The following WDFY4 variants were observed in gnomAD, a reference collection of about 807,000 sequenced individuals.
WDFY4 encodes the protein WD repeat- and FYVE domain-containing protein 4.
A neutral mutation model predicts 351.9 loss-of-function variants in WDFY4; 169 were observed. That is an observed-to-expected ratio of 0.48 (90% CI 0.42 to 0.55). The LOEUF (loss-of-function observed/expected upper bound fraction) is 0.55. Among genes scored for constraint, WDFY4 ranks in the 20% least tolerant of loss-of-function variants. The pLI is 0.00. For missense variants in WDFY4, 3,803 were observed against 3,935.6 expected (o/e 0.97, Z 0.90); for synonymous variants, 1,622 against 1,574.6 (o/e 1.03, Z -0.71).
intron 55 of WDFY4, 27 bp from the exon 56 acceptor site, chr10:48,969,037 A>T (rs1200270389): frequency 1.3e-6 from 2 of 1,546,818 alleles, no homozygotes. Context: ...TTCCATGCAT[A>T]AGTTCGCCAT....
chr10:48,956,767 T>C (rs967640750), intron 51 of WDFY4, among the ~76,000 whole-genome samples: 3 of 152,214 alleles, frequency 2.0e-5, no homozygotes, highest in Non-Finnish European at 4.4e-5. Context: ...ACTAGCACTC[T>C]TGCTGCCTCT....
At chr10:48,725,774 CACAGAG>C in intron 5 of WDFY4, 101 bp from the exon 6 acceptor site, 2 of 1,188,554 alleles carry the variant, frequency 1.7e-6, no homozygotes, top group Non-Finnish European at 1.2e-6. Context: ...CTGTCCTTCT[CACAGAG>C]ACATGCTCAT....
chr10:48,863,665 G>C (rs1371088943), intron 39 of WDFY4, among the ~76,000 whole-genome samples: 2 of 151,400 alleles, frequency 1.3e-5, no homozygotes, highest in African/African-American at 2.4e-5. Context: ...CTTTCTAATA[G>C]TGTCTTTCGA....
intron 35 of WDFY4, among the ~76,000 whole-genome samples, chr10:48,825,086 C>T (rs926487063): frequency 1.3e-5 from 2 of 152,138 alleles, no homozygotes; most frequent in Non-Finnish European, 2.9e-5. Flanking sequence ...ATGAATTAGC[C>T]ATTTTTCCTA....
At chr10:48,794,817 GGT>G (rs1420195559) in intron 23 of WDFY4, among the ~76,000 whole-genome samples, 1 of 152,164 alleles carries the variant, frequency 6.6e-6, no homozygotes, top group Non-Finnish European at 1.5e-5. Context: ...GGAAGTCCCT[GGT>G]GGCCTTTCTG....
chr10:48,733,902 A>T (rs963428793), intron 9 of WDFY4, 29 bp from the exon 10 acceptor site: 7 of 1,547,578 alleles, frequency 4.5e-6, no homozygotes, highest in East Asian at 4.9e-5. Context: ...TACTTAATTT[A>T]TTTTGTTATT....
At chr10:48,711,727 T>C (rs183332621) in intron 2 of WDFY4, among the ~76,000 whole-genome samples, 1 of 152,294 alleles carries the variant, frequency 6.6e-6, no homozygotes, top group East Asian at 1.9e-4. Context: ...ACCACCCTCA[T>C]GGTGAGTGTG....
chr10:48,873,709 G>T lies in WDFY4; in HGVS notation c.6948+12G>T. ...CAGGAAGGCACAAGGTAGGAGTCAG[G>T]CGCAGTGGGACAGTGCTGGTTCCAG... On this transcript the variant is annotated intron_variant, in intron 41 of 61. Coordinates refer to ENST00000325239, the MANE Select transcript of WDFY4 (RefSeq NM_001394531.1). 6.4e-7 allele frequency: 1 copy of T among 1,551,356 alleles called. No homozygotes were observed. The highest frequency in any genetic ancestry group is 8.7e-7 in the Non-Finnish European group (1 of 1,146,910).
At chr10:48,720,759 G>A (rs1480880595) in intron 3 of WDFY4, among the ~76,000 whole-genome samples, 1 of 152,180 alleles carries the variant, frequency 6.6e-6, no homozygotes, top group Non-Finnish European at 1.5e-5. Flanking sequence ...AGACACAGAG[G>A]CCAAAGTGCA....
intron 47 of WDFY4, chr10:48,913,685 G>A: frequency 6.2e-7 from 1 of 1,613,118 alleles, no homozygotes; most frequent in Non-Finnish European, 8.5e-7. Flanking sequence ...CGGGGATGTT[G>A]TTCAGTAGGT....
chr10:48,836,770 T>C (rs184426143), intron 39 of WDFY4, among the ~76,000 whole-genome samples: 31 of 152,300 alleles, frequency 2.0e-4, no homozygotes, highest in South Asian at 6.2e-4. Flanking sequence ...GTCAGCTTGT[T>C]GGACAGAGGT....
chr10:48,826,930 T>G (rs1209598566), intron 36 of WDFY4, 21 bp downstream of exon 36: 1 of 1,541,080 alleles, frequency 6.5e-7, no homozygotes, highest in African/African-American at 1.4e-5. Context: ...CCCACTTGTT[T>G]CCTTGTCTGC....
In WDFY4 at chr10:48,701,987, C is replaced by A. The variant is rs186244253; in HGVS notation, c.-17-7729C>A. On this transcript the variant is annotated intron_variant, in intron 1 of 61. Transcript: ENST00000325239. ...CACCTCTGGCTTTTCCATTAATTCT[C>A]TTTCCACCTCTGTACATGTTTTCTT... Among the ~76,000 whole-genome samples the A allele has an allele frequency of 3.3e-5, 5 of 152,350 alleles. No homozygotes were observed. The East Asian group carries it at 9.6e-4, about 29-fold the overall frequency.
At chr10:48,898,250 A>T (rs941553332) in intron 45 of WDFY4, among the ~76,000 whole-genome samples, 3 of 152,228 alleles carry the variant, frequency 2.0e-5, no homozygotes, top group African/African-American at 2.4e-5. Flanking sequence ...TTCTAGAAAC[A>T]TCACCTGAGC....
chr10:48,930,889 C>T (rs925891857), intron 47 of WDFY4, among the ~76,000 whole-genome samples: 7 of 152,102 alleles, frequency 4.6e-5, no homozygotes, highest in East Asian at 1.9e-4. Context: ...TGTTCTCTGG[C>T]ACACATGCAC....
chr10:48,776,779 G>C lies in WDFY4; in HGVS notation c.2893G>C (p.Gly965Arg). 1 of 1,550,084 alleles carries C rather than the reference G, an allele frequency of 6.5e-7. No homozygotes were observed. Among genetic ancestry groups the C allele is most frequent in the South Asian group, 1.2e-5 (1 of 83,948 alleles). Residue 965 changes from glycine (G) to arginine (R), a missense_variant, in exon 16 of 62, where the codon GGG becomes CGG. Transcript: ENST00000325239. ...GSQTAQGLAEGPWPAAPDAGL... is the reference protein window; with the variant it reads ...GSQTAQGLAERPWPAAPDAGL... ...ACAGACTGCACAGGGCTTGGCTGAG[G>C]GGCCCTGGCCAGCTGCCCCAGATGC...
rs140977570 is a variant in WDFY4, at chr10:48,700,883, T to C, written c.-17-8833T>C. ...ATCTTTTATCTATTTATTGATTTTA[T>C]TTATGAATTTATAATTGTAGTACAT... On this transcript the variant is annotated intron_variant, in intron 1 of 61. Transcript: ENST00000325239. 6.3e-4 allele frequency among the ~76,000 whole-genome samples: 96 copies of C among 152,398 alleles called. 1 individual carries two copies. The East Asian group carries it at 0.018, about 28-fold the overall frequency.
chr10:48,707,054 G>A (rs1003152168), intron 1 of WDFY4, among the ~76,000 whole-genome samples: 1 of 152,152 alleles, frequency 6.6e-6, no homozygotes, highest in Admixed American at 6.5e-5. Context: ...CCAGCTTCTA[G>A]AGTATACTCT....
intron 39 of WDFY4, among the ~76,000 whole-genome samples, chr10:48,861,135 T>C (rs1359989598): frequency 6.6e-6 from 1 of 152,170 alleles, no homozygotes; most frequent in Non-Finnish European, 1.5e-5. Context: ...ATGTAATAGT[T>C]TTAAATATTT....
Sources: allele counts gnomAD v4.1 joint callset (sites outside exome capture counted in the v4.1 genomes callset), GRCh38; gene constraint gnomAD v4.1.1; transcripts MANE v1.5; gene names NCBI Gene and HGNC (gene_info 2026-07-23, HGNC 2026-07-21).